SCFD1: variants seen among roughly 807,000 people sequenced by gnomAD.
SCFD1 encodes sec1 family domain containing 1.
In SCFD1, 37 loss-of-function variants were observed where a neutral mutation model predicts 103.2. The observed-to-expected ratio is 0.36, with a 90% confidence interval of 0.28 to 0.47. The LOEUF is 0.47. Among genes scored for constraint, SCFD1 ranks in the 20% least tolerant of loss-of-function variants. The pLI is 1.00. For missense variants in SCFD1, 639 were observed against 761.2 expected (o/e 0.84, Z 1.89); for synonymous variants, 264 against 245.0 (o/e 1.08, Z -0.73).
At position 30,674,969 on chromosome 14, in the gene SCFD1, T is replaced by A. The variant is rs1888902445; in HGVS notation, c.1161-15T>A. 2.6e-6 allele frequency: 4 copies of A among 1,512,192 alleles called. No individual in the cohort carries two copies. The highest frequency in any genetic ancestry group is 2.5e-5 in the South Asian group (2 of 79,508). The allele number at this position is 1,512,192 out of a possible 1,614,324, so 93.7% of individuals were successfully genotyped here. A position where few individuals can be genotyped will look rare whatever the true frequency, so the allele number is the denominator to read the frequency against. ...AAAATTTATTGGTTAATATTTAATT[T>A]TTTGATACTTGCAGTTCTTTGCCAG... is the stretch of plus-strand genomic sequence containing the variant. On this transcript the variant is annotated splice_polypyrimidine_tract_variant and intron_variant, in intron 13 of 24. Coordinates refer to ENST00000458591, the MANE Select transcript of SCFD1 (RefSeq NM_016106.4).
Position 30,700,274 on chromosome 14 carries a change from A to G in SCFD1, c.1410+16A>G. On this transcript the variant is annotated intron_variant, in intron 16 of 24. Coordinates refer to ENST00000458591, the MANE Select transcript of SCFD1 (RefSeq NM_016106.4). ...ACCTTCTGAGGTATGTCCTTTATTC[A>G]GTTATTGGGAGGAAGGGGAATGCTT... 1.3e-6 allele frequency: 2 copies of G among 1,506,148 alleles called. No homozygotes were observed. Among genetic ancestry groups the G allele is most frequent in the East Asian group, 2.3e-5 (1 of 44,186 alleles). The allele number at this position is 1,506,148 out of a possible 1,614,324, so 93.3% of individuals were successfully genotyped here. A position where few individuals can be genotyped will look rare whatever the true frequency, so the allele number is the denominator to read the frequency against.
intron 23 of SCFD1, among the ~76,000 whole-genome samples, chr14:30,727,369 C>T (rs780148198): frequency 2.0e-5 from 3 of 152,102 alleles, no homozygotes; most frequent in Non-Finnish European, 4.4e-5. Context: ...ATTTTGCCTC[C>T]CAAAAGTGGT....
intron 10 of SCFD1, among the ~76,000 whole-genome samples, chr14:30,669,212 A>T (rs371774592): frequency 5.3e-5 from 8 of 152,094 alleles, no homozygotes; most frequent in South Asian, 2.1e-4. Flanking sequence ...AAGGAGACTG[A>T]ATTGCATTCA....
intron 4 of SCFD1, chr14:30,634,899 G>T (rs764699185): frequency 2.2e-6 from 1 of 455,988 alleles, no homozygotes; most frequent in South Asian, 1.5e-5. Flanking sequence ...ACTCCCAGAA[G>T]ACCTTTATTT....
At position 30,668,059 on chromosome 14, in the gene SCFD1, A is replaced by G. The variant is rs187234086; in HGVS notation, c.856-2197A>G. ...CAGAATTGGAAAAAAACTAAAGTTC[A>G]TATGGAACCAAAAAAGAGCCCGCAT... On this transcript the variant is annotated intron_variant, in intron 10 of 24. Coordinates refer to ENST00000458591, the MANE Select transcript of SCFD1 (RefSeq NM_016106.4). 9.4e-3 allele frequency among the ~76,000 whole-genome samples: 1,428 copies of G among 152,322 alleles called. 25 individuals are homozygous for G. Among genetic ancestry groups the G allele is most frequent in the African/African-American group, 0.032 (1,325 of 41,570 alleles).
chr14:30,668,274 A>C (rs1240219763), intron 10 of SCFD1, among the ~76,000 whole-genome samples: 1 of 152,202 alleles, frequency 6.6e-6, no homozygotes, highest in African/African-American at 2.4e-5. Context: ...TCTTTGACAA[A>C]CCTGACAAAA....
intron 10 of SCFD1, among the ~76,000 whole-genome samples, chr14:30,668,804 T>C (rs911363186): frequency 3.3e-5 from 5 of 152,192 alleles, no homozygotes; most frequent in African/African-American, 4.8e-5. Flanking sequence ...GAAAAAATGC[T>C]CATCGTCACT....
intron 13 of SCFD1, among the ~76,000 whole-genome samples, 184 bp from the exon 14 acceptor site, chr14:30,674,800 C>T (rs1185578200): frequency 6.6e-6 from 1 of 152,164 alleles, no homozygotes; most frequent in East Asian, 1.9e-4. Flanking sequence ...ATAAGCATTT[C>T]ACCTGTATTA....
At chr14:30,626,197 A>G (rs1883423258) in intron 1 of SCFD1, among the ~76,000 whole-genome samples, 1 of 151,890 alleles carries the variant, frequency 6.6e-6, no homozygotes. Context: ...AATAAAATAC[A>G]TTTTTATTTA....
At chr14:30,639,935 A>G (rs963305472) in intron 6 of SCFD1, 71 bp downstream of exon 6, 12 of 1,464,048 alleles carry the variant, frequency 8.2e-6, no homozygotes, top group South Asian at 1.3e-5. Flanking sequence ...AAAAAAGTGA[A>G]TATGTTTAAT....
intron 1 of SCFD1, among the ~76,000 whole-genome samples, chr14:30,627,856 T>TA (rs59421697): frequency 0.052 from 6,058 of 116,280 alleles, 201 homozygotes; most frequent in African/African-American, 0.082. Context: ...CACTCAGACT[T>TA]AAAAAAAAAA....
chr14:30,735,002 A>C (rs1466851923), intron 24 of SCFD1, 144 bp downstream of exon 24: 1 of 603,738 alleles, frequency 1.7e-6, no homozygotes, highest in African/African-American at 1.9e-5. Context: ...AGGTGTTTTC[A>C]TGGACGACTA....
chr14:30,682,532 C>G (rs187500447), intron 14 of SCFD1, among the ~76,000 whole-genome samples: 1 of 152,122 alleles, frequency 6.6e-6, no homozygotes, highest in Admixed American at 6.5e-5. Flanking sequence ...ATAAATTAAC[C>G]AGCTATTTTG....
At chr14:30,702,774 C>A (rs1891167678) in intron 17 of SCFD1, among the ~76,000 whole-genome samples, 1 of 152,096 alleles carries the variant, frequency 6.6e-6, no homozygotes, top group African/African-American at 2.4e-5. Context: ...TTATACTCTG[C>A]TATTAGGAAT....
At chr14:30,673,171 A>G (rs1182319238) in intron 11 of SCFD1, 86 bp from the exon 12 acceptor site, 1 of 543,078 alleles carries the variant, frequency 1.8e-6, no homozygotes, top group Non-Finnish European at 3.3e-6. Flanking sequence ...TTAAAATAAT[A>G]AATGTTCATT....
At chr14:30,640,154 T>C (rs1885125173) in intron 6 of SCFD1, among the ~76,000 whole-genome samples, 1 of 152,172 alleles carries the variant, frequency 6.6e-6, no homozygotes, top group Non-Finnish European at 1.5e-5. Context: ...TAAGACAATA[T>C]TTTAGTAGCA....
intron 19 of SCFD1, chr14:30,715,261 T>C (rs944126851): frequency 6.6e-6 from 1 of 152,200 alleles, no homozygotes; most frequent in Non-Finnish European, 1.5e-5. Flanking sequence ...ACTTTTATAA[T>C]CCACAGAGAG....
chr14:30,661,644 C>T (rs929181189), intron 10 of SCFD1, among the ~76,000 whole-genome samples: 2 of 152,122 alleles, frequency 1.3e-5, no homozygotes, highest in African/African-American at 4.8e-5. Flanking sequence ...AATAGAATTA[C>T]AGTCTCTAGG....
At chr14:30,657,782 G>A (rs923501316) in intron 10 of SCFD1, among the ~76,000 whole-genome samples, 1 of 152,172 alleles carries the variant, frequency 6.6e-6, no homozygotes, top group Admixed American at 6.5e-5. Context: ...GATGGAGTAA[G>A]TAAATAGTAA....
Sources: gnomAD v4.1 joint callset for allele counts (sites outside exome capture counted in the v4.1 genomes callset) on GRCh38, gnomAD v4.1.1 for gene constraint, MANE v1.5 for transcripts, NCBI Gene and HGNC (gene_info 2026-07-23, HGNC 2026-07-21) for gene names.